The following CDON variants were observed in gnomAD, a reference collection of about 807,000 sequenced individuals.
The protein encoded by CDON is cell adhesion molecule-related/down-regulated by oncogenes.
CDON carries 73 observed loss-of-function variants against 120.9 expected under a neutral mutation model. That is an observed-to-expected ratio of 0.60 (90% confidence interval 0.50 to 0.73). The LOEUF (loss-of-function observed/expected upper bound fraction) is 0.73. CDON is among the 30% of genes least tolerant of loss of function. The probability of loss-of-function intolerance (pLI) is 0.00; values close to 1 mark genes in which losing one functional copy is unlikely to be tolerated. For missense variants in CDON, 1,470 were observed against 1,587.3 expected, an observed-to-expected ratio of 0.93 and a Z score of 1.26; for synonymous variants, 566 against 573.5, an observed-to-expected ratio of 0.99 and a Z score of 0.19.
At chr11:126,010,735 T>C in intron 7 of CDON, 41 bp from the exon 8 acceptor site, 4 of 1,512,918 alleles carry the variant, frequency 2.6e-6, no homozygotes, top group South Asian at 1.1e-5. Flanking sequence ...TGAAGAACAT[T>C]GTAGTACCTA....
intron 1 of CDON, among the ~76,000 whole-genome samples, chr11:126,055,313 A>T (rs1479861895): frequency 6.6e-6 from 1 of 152,216 alleles, no homozygotes; most frequent in Non-Finnish European, 1.5e-5. Flanking sequence ...AAGAAGGCCC[A>T]CTTCTAAGCT....
intron 18 of CDON, among the ~76,000 whole-genome samples, chr11:125,966,872 TAA>T (rs555595025): frequency 3.5e-5 from 5 of 143,258 alleles, no homozygotes; most frequent in Non-Finnish European, 3.1e-5. Context: ...AATTAGAGGT[TAA>T]AAAAAAAAAG....
At chr11:126,005,089 C>T (rs1470228282) in intron 9 of CDON, among the ~76,000 whole-genome samples, 1 of 152,122 alleles carries the variant, frequency 6.6e-6, no homozygotes, top group Non-Finnish European at 1.5e-5. Context: ...CACTTGAGGT[C>T]AGGAGTTCAA....
chr11:126,003,492 G>A (rs563147529), intron 10 of CDON, among the ~76,000 whole-genome samples: 27 of 152,238 alleles, frequency 1.8e-4, no homozygotes, highest in Admixed American at 2.6e-4. Context: ...TAATAGGGTC[G>A]TTTAGTGAAT....
chr11:126,021,601 C>A (rs985526275), intron 2 of CDON, 81 bp from the exon 3 acceptor site: 4 of 1,223,136 alleles, frequency 3.3e-6, no homozygotes, highest in Non-Finnish European at 4.7e-6. Flanking sequence ...AAACACATTT[C>A]ATCTGTATCT....
intron 15 of CDON, among the ~76,000 whole-genome samples, chr11:125,988,505 T>C (rs1017598409): frequency 6.6e-6 from 1 of 152,184 alleles, no homozygotes; most frequent in African/African-American, 2.4e-5. Context: ...CCTCCTGAAC[T>C]AACAACGTTG....
chr11:126,039,144 T>C (rs73021224), intron 1 of CDON, among the ~76,000 whole-genome samples: 3,512 of 152,264 alleles, frequency 0.023, 62 homozygotes, highest in Non-Finnish European at 0.037. Flanking sequence ...TACTTGATAC[T>C]GAGGCATCAC....
intron 14 of CDON, among the ~76,000 whole-genome samples, chr11:125,993,371 TCA>T (rs1344212148): frequency 7.1e-6 from 1 of 141,330 alleles, no homozygotes; most frequent in Non-Finnish European, 1.5e-5. Context: ...TCTCTGTCTC[TCA>T]CACACACATG....
chr11:126,005,722 T>C, intron 9 of CDON, 37 bp downstream of exon 9: 1 of 1,587,266 alleles, frequency 6.3e-7, no homozygotes, highest in Non-Finnish European at 8.6e-7. Context: ...AACGTTCAGG[T>C]GTGAGCCGAG....
At chr11:125,962,694 T>C (rs1260368447) in intron 18 of CDON, among the ~76,000 whole-genome samples, 3 of 152,228 alleles carry the variant, frequency 2.0e-5, no homozygotes, top group East Asian at 3.8e-4. Context: ...TACTGATCTA[T>C]CTTCTTGTCC....
chr11:126,016,175 A>C (rs1947462673), intron 6 of CDON, among the ~76,000 whole-genome samples: 1 of 152,212 alleles, frequency 6.6e-6, no homozygotes. Context: ...AAATACATGC[A>C]AAGAGTTTAC....
chr11:126,022,586 G>GA (rs1022671083), intron 2 of CDON, among the ~76,000 whole-genome samples: 1 of 151,760 alleles, frequency 6.6e-6, no homozygotes. Context: ...ATACTTAAGA[G>GA]AAAAAAAATC....
chr11:126,030,397 T>C (rs1191677465), intron 1 of CDON, among the ~76,000 whole-genome samples: 2 of 152,226 alleles, frequency 1.3e-5, no homozygotes, highest in African/African-American at 2.4e-5. Context: ...TCTTTCTGAA[T>C]CATTCCTCTT....
intron 1 of CDON, among the ~76,000 whole-genome samples, chr11:126,024,644 A>G (rs1947738955): frequency 6.6e-6 from 1 of 152,206 alleles, no homozygotes; most frequent in African/African-American, 2.4e-5. Flanking sequence ...TAGACATCCA[A>G]CTACTACTGT....
At chr11:126,020,442 G>T (rs184664515) in intron 3 of CDON, among the ~76,000 whole-genome samples, 101 of 152,288 alleles carry the variant, frequency 6.6e-4, no homozygotes, top group Admixed American at 1.9e-3. Context: ...GCCTGCAGGG[G>T]ACTCTTTATT....
intron 1 of CDON, among the ~76,000 whole-genome samples, chr11:126,033,928 C>G (rs1470176231): frequency 6.6e-6 from 1 of 152,086 alleles, no homozygotes; most frequent in Non-Finnish European, 1.5e-5. Flanking sequence ...TTCTGACCTG[C>G]CGCATCACTC....
At chr11:126,013,082 G>A (rs988423886) in intron 7 of CDON, among the ~76,000 whole-genome samples, 2 of 152,192 alleles carry the variant, frequency 1.3e-5, no homozygotes, top group South Asian at 2.1e-4. Flanking sequence ...ACTTAATTAC[G>A]TCCAATGTTT....
intron 16 of CDON, 100 bp from the exon 17 acceptor site, chr11:125,981,429 CGCACACACGCACACAG>C (rs1946298726): frequency 8.4e-7 from 1 of 1,189,576 alleles, no homozygotes; most frequent in African/African-American, 1.5e-5. Context: ...TACGCACACA[CGCACACACGCACACAG>C]TAAGACACTA....
At chr11:125,992,126 A>T (rs1946646291) in intron 14 of CDON, among the ~76,000 whole-genome samples, 1 of 152,154 alleles carries the variant, frequency 6.6e-6, no homozygotes, top group South Asian at 2.1e-4. Flanking sequence ...TTTTATGGCA[A>T]ATATTTAGCC....
Sources: allele counts gnomAD v4.1 joint callset (sites outside exome capture counted in the v4.1 genomes callset), GRCh38; gene constraint gnomAD v4.1.1; transcripts MANE v1.5; gene names NCBI Gene and HGNC (gene_info 2026-07-23, HGNC 2026-07-21).